ARHGAP39: variants seen among roughly 807,000 people sequenced by gnomAD.
ARHGAP39 encodes rho GTPase-activating protein 39.
A neutral mutation model predicts 106.9 loss-of-function variants in ARHGAP39; 44 were observed. That is an observed-to-expected ratio of 0.41 (90% CI 0.32 to 0.53). The LOEUF (loss-of-function observed/expected upper bound fraction) is 0.53. ARHGAP39 is among the 20% of genes least tolerant of loss of function. The pLI is 0.21. For missense variants in ARHGAP39, 1,496 were observed against 1,577.3 expected, an observed-to-expected ratio of 0.95 and a Z score of 0.87; for synonymous variants, 768 against 693.2, an observed-to-expected ratio of 1.11 and a Z score of -1.69.
At chr8:144,696,024 G>A in the ARHGAP39 span, among the ~76,000 whole-genome samples, 1 of 152,180 alleles carries the variant, frequency 6.6e-6, no homozygotes, top group South Asian at 2.1e-4. Flanking sequence ...TTAAAGGAAA[G>A]AGGGAGAGTC....
chr8:144,605,634 C>G lies in ARHGAP39; in HGVS notation c.-20G>C. 6.2e-7 allele frequency: 1 copy of G among 1,611,270 alleles called. No individual in the cohort carries two copies. Among genetic ancestry groups the G allele is most frequent in the Non-Finnish European group, 8.5e-7 (1 of 1,179,276 alleles). The stretch of plus-strand genomic sequence containing the variant: ...GGACATCGCTGTTTGCTTCCGCGCC[C>G]ACGTGGACAGACGTCAGGGCACCAT... On this transcript the variant is annotated 5_prime_UTR_variant, in exon 2 of 12. Transcript: ENST00000377307.
chr8:144,597,659 A>G (rs868588784), intron 2 of ARHGAP39, among the ~76,000 whole-genome samples: 1 of 152,226 alleles, frequency 6.6e-6, no homozygotes, highest in Non-Finnish European at 1.5e-5. Flanking sequence ...GATATGAAAA[A>G]GTCTGATCAA....
chr8:144,668,192 A>G (rs935524757), intron 1 of ARHGAP39, among the ~76,000 whole-genome samples: 19 of 152,220 alleles, frequency 1.2e-4, no homozygotes, highest in African/African-American at 4.6e-4. Context: ...CTGTAGTCCC[A>G]GCACTTCGGG....
chr8:144,699,878 T>C, the ARHGAP39 span, among the ~76,000 whole-genome samples: 2 of 152,172 alleles, frequency 1.3e-5, no homozygotes, highest in Admixed American at 1.3e-4. Context: ...AGGGCCGCTG[T>C]CTTCCAGGAA....
rs548542295 is a variant in ARHGAP39, at chr8:144,546,968, C to T, written c.1959+159G>A. The stretch of plus-strand genomic sequence containing the variant: ...GGACTCCCAGCTGAGCCCTGACAGC[C>T]CGCTGGAGTGCCCAGGGCCCCGGAG... On this transcript the variant is annotated intron_variant, in intron 5 of 11. Coordinates refer to ENST00000377307, the MANE Select transcript of ARHGAP39 (RefSeq NM_025251.3). Among the ~76,000 whole-genome samples the T allele has an allele frequency of 2.6e-5, 4 of 152,334 alleles. No homozygotes were observed. The East Asian group carries it at 5.8e-4, about 22-fold the overall frequency.
At chr8:144,672,026 C>T (rs1323514983) in intron 1 of ARHGAP39, among the ~76,000 whole-genome samples, 1 of 152,234 alleles carries the variant, frequency 6.6e-6, no homozygotes, top group Non-Finnish European at 1.5e-5. Flanking sequence ...TCCTGGACGC[C>T]GTCTGTGATT....
At chr8:144,601,436 G>A (rs1035232990) in intron 2 of ARHGAP39, among the ~76,000 whole-genome samples, 5 of 146,182 alleles carry the variant, frequency 3.4e-5, no homozygotes, top group African/African-American at 1.3e-4. Flanking sequence ...GTGCGTGCGA[G>A]CTCGTGTACC....
intron 2 of ARHGAP39, among the ~76,000 whole-genome samples, chr8:144,596,202 G>C (rs1048863657): frequency 6.7e-6 from 1 of 149,428 alleles, no homozygotes; most frequent in Admixed American, 6.6e-5. Context: ...TCAGTGGGCA[G>C]AGGGGATGGC....
intron 2 of ARHGAP39, among the ~76,000 whole-genome samples, chr8:144,581,696 G>A (rs1818998324): frequency 6.6e-6 from 1 of 152,170 alleles, no homozygotes; most frequent in Admixed American, 6.5e-5. Flanking sequence ...ACACTGGGTC[G>A]GGGTCTGGAG....
At chr8:144,678,506 G>T (rs561101812) in intron 1 of ARHGAP39, among the ~76,000 whole-genome samples, 1 of 152,276 alleles carries the variant, frequency 6.6e-6, no homozygotes, top group South Asian at 2.1e-4. Flanking sequence ...TTGGAAGGAG[G>T]GACGCCAAGA....
intron 10 of ARHGAP39, among the ~76,000 whole-genome samples, chr8:144,531,241 ACAG>A (rs1390269475): frequency 0.19 from 6,035 of 31,048 alleles, 220 homozygotes; most frequent in Middle Eastern, 0.34. Flanking sequence ...GCAGAAGGGC[ACAG>A]GGCAGCGAGC....
At chr8:144,677,994 C>T (rs893554187) in intron 1 of ARHGAP39, among the ~76,000 whole-genome samples, 9 of 152,196 alleles carry the variant, frequency 5.9e-5, no homozygotes, top group East Asian at 1.9e-4. Flanking sequence ...AATGTGTCAA[C>T]GAGTCCCTCC....
rs151275796 is a variant in ARHGAP39, at chr8:144,546,646, G to T, written c.1959+481C>A. The stretch of plus-strand genomic sequence containing the variant: ...GATGGGGAACGTGCCAGAGGCCCCA[G>T]GCTGGGCGCAACATCCCGGAATTCC... On this transcript the variant is annotated intron_variant, in intron 5 of 11. Transcript: ENST00000377307. Among the ~76,000 whole-genome samples the T allele has an allele frequency of 3.0e-3, 463 of 152,338 alleles. 1 individual carries two copies. The highest frequency in any genetic ancestry group is 5.2e-3 in the African/African-American group (217 of 41,574).
intron 2 of ARHGAP39, among the ~76,000 whole-genome samples, chr8:144,602,899 G>C (rs1443620324): frequency 7.6e-6 from 1 of 132,256 alleles, no homozygotes; most frequent in Non-Finnish European, 1.6e-5. Flanking sequence ...GAGAGCTCAT[G>C]TACCTGTGTG....
chr8:144,547,781 C>T lies in ARHGAP39; in HGVS notation c.1305G>A (p.Leu435=). The change falls in exon 5 of 12, where the codon CTG becomes CTA. Residue 435 remains leucine (L), a synonymous_variant. Coordinates refer to ENST00000377307, the MANE Select transcript of ARHGAP39 (RefSeq NM_025251.3). This position sits in a 1 kb window ranked among gnomAD's most constrained non-coding sequence, Gnocchi z 5.2. ...GSYSLQPSPC[L]LRDQRLGVKS... is the part of the protein sequence containing the mutation. ...TGACGCCCAGGCGCTGGTCCCTCAG[C>T]AGGCAGGGGCTGGGCTGCAAGGAGT... 1 of 1,597,558 alleles carries T rather than the reference C, an allele frequency of 6.3e-7. No individual in the cohort carries two copies. The highest frequency in any genetic ancestry group is 1.1e-5 in the South Asian group (1 of 89,674).
chr8:144,604,639 T>C lies in ARHGAP39; in HGVS notation c.80+896A>G, dbSNP rs1442884106. ...GTGACTATTACCTTAAAAATATCAA[T>C]GTGACAACAGGCAGAGAAAAGCTGT... On this transcript the variant is annotated intron_variant, in intron 2 of 11. Coordinates refer to ENST00000377307, the MANE Select transcript of ARHGAP39 (RefSeq NM_025251.3). This position sits in a 1 kb window ranked among gnomAD's most constrained non-coding sequence, Gnocchi z 4.1. Among the ~76,000 whole-genome samples, 1 of 152,094 alleles carries C rather than the reference T, an allele frequency of 6.6e-6. No homozygotes were observed. The highest frequency in any genetic ancestry group is 1.5e-5 in the Non-Finnish European group (1 of 68,020).
intron 3 of ARHGAP39, among the ~76,000 whole-genome samples, chr8:144,576,332 C>CAA (rs67038997): frequency 0.013 from 827 of 63,260 alleles, 16 homozygotes; most frequent in African/African-American, 0.036. Flanking sequence ...GACTCCGTCT[C>CAA]AAAAAAAAAA....
chr8:144,616,624 T>A (rs562857582), intron 1 of ARHGAP39, among the ~76,000 whole-genome samples: 1 of 152,184 alleles, frequency 6.6e-6, no homozygotes, highest in East Asian at 1.9e-4. Context: ...CAGGCCGCCC[T>A]AGGCAGCAGC....
chr8:144,632,920 G>C (rs1203106083), intron 1 of ARHGAP39, among the ~76,000 whole-genome samples: 1 of 152,210 alleles, frequency 6.6e-6, no homozygotes, highest in Non-Finnish European at 1.5e-5. Context: ...AAATCTTCCG[G>C]GCCATGCTCA....
Sources: gnomAD v4.1 joint callset for allele counts (sites outside exome capture counted in the v4.1 genomes callset) on GRCh38, gnomAD v4.1.1 for gene constraint, Gnocchi (gnomAD v3.1) non-coding constraint, MANE v1.5 for transcripts, NCBI Gene and HGNC (gene_info 2026-07-23, HGNC 2026-07-21) for gene names.